Variants in CACHD1 observed in about 807,000 individuals in gnomAD.
CACHD1 encodes cache domain containing 1.
In CACHD1, 71 loss-of-function variants were observed where a neutral mutation model predicts 138.7. That is an observed-to-expected ratio of 0.51 (90% CI 0.42 to 0.62). The LOEUF (loss-of-function observed/expected upper bound fraction) is 0.62, where lower values mean the gene tolerates loss of function less well. Ranked by LOEUF, CACHD1 falls within the 20% of genes least tolerant of loss-of-function variation. CACHD1 has a pLI of 0.00. For synonymous variants in CACHD1, 578 were observed against 591.5 expected, an observed-to-expected ratio of 0.98 and a Z score of 0.33; for missense variants, 1,389 against 1,625.3, an observed-to-expected ratio of 0.85 and a Z score of 2.50.
At position 64,559,455 on chromosome 1, in the gene CACHD1, A is replaced by G. The variant is rs150437683; in HGVS notation, c.261+8799A>G. Among the ~76,000 whole-genome samples the G allele has an allele frequency of 3.9e-5, 6 of 152,336 alleles. No homozygotes were observed. In the East Asian group the frequency reaches 9.6e-4, roughly 24 times the overall value. ...AGTGGGAGCTAAATGATGAGAACTC[A>G]TGAACACAAAGAAGGAAACAACAGA... On this transcript the variant is annotated intron_variant, in intron 2 of 26. Transcript: ENST00000651257.
At chr1:64,691,265 A>G (rs1570490384) in intron 26 of CACHD1, 58 bp from the exon 27 acceptor site, 2 of 1,516,730 alleles carry the variant, frequency 1.3e-6, no homozygotes, top group East Asian at 4.5e-5. Flanking sequence ...TTGTAGGTGA[A>G]ATCTTCTGTC....
In CACHD1 at chr1:64,678,180, T is replaced by C. The variant is rs763469434; in HGVS notation, c.3114T>C (p.Asp1038=). The stretch of plus-strand genomic sequence containing the variant: ...GCAGGGACTGTTTTGGGGTGCTGGA[T>C]TGTGAATGGTGCATGGTGGACAGTG... ...LESGDCFGVL[D]CEWCMVDSDG... The change falls in exon 23 of 27, where the codon GAT becomes GAC. Residue 1038 remains aspartate, a synonymous_variant. Coordinates refer to ENST00000651257, the MANE Select transcript of CACHD1 (RefSeq NM_020925.4). The C allele has an allele frequency of 3.2e-5, 51 of 1,611,730 alleles. No homozygotes were observed. Among genetic ancestry groups the C allele is most frequent in the Non-Finnish European group, 4.2e-5 (49 of 1,179,184 alleles).
rs182005505 is a variant in CACHD1 at position 64,472,649 on chromosome 1, T to C, written c.198+1707T>C. Among the ~76,000 whole-genome samples, 3 of 152,342 alleles carry C rather than the reference T, an allele frequency of 2.0e-5. No homozygotes were observed. The East Asian group carries it at 5.8e-4, about 29-fold the overall frequency. On this transcript the variant is annotated intron_variant, in intron 1 of 26. Coordinates refer to ENST00000651257, the MANE Select transcript of CACHD1 (RefSeq NM_020925.4). ...GCTGAGTTCTTAGGAGTGAAGTGAC[T>C]TTTAGAAAAGATAGAAAACTAGGAT...
intron 1 of CACHD1, among the ~76,000 whole-genome samples, chr1:64,508,996 G>T (rs1646398554): frequency 6.6e-6 from 1 of 152,092 alleles, no homozygotes; most frequent in South Asian, 2.1e-4. Context: ...TGCCCAGATG[G>T]CAAGCACAAA....
intron 1 of CACHD1, among the ~76,000 whole-genome samples, chr1:64,496,353 G>C (rs1195220913): frequency 6.6e-6 from 1 of 152,150 alleles, no homozygotes; most frequent in Non-Finnish European, 1.5e-5. Flanking sequence ...AGATGTGCTG[G>C]AGTGTCAAGA....
intron 26 of CACHD1, among the ~76,000 whole-genome samples, chr1:64,682,648 TG>T (rs1422186336): frequency 3.3e-5 from 5 of 152,170 alleles, no homozygotes; most frequent in Non-Finnish European, 7.4e-5. Flanking sequence ...CATGGAGTTG[TG>T]TAAGTGCCTG....
chr1:64,500,289 T>C (rs890547745), intron 1 of CACHD1, among the ~76,000 whole-genome samples: 2 of 152,200 alleles, frequency 1.3e-5, no homozygotes, highest in Non-Finnish European at 2.9e-5. Context: ...AGCATACACA[T>C]ACCTGTTTCA....
At chr1:64,578,444 C>A (rs997826379) in intron 2 of CACHD1, among the ~76,000 whole-genome samples, 1 of 152,168 alleles carries the variant, frequency 6.6e-6, no homozygotes, top group African/African-American at 2.4e-5. Flanking sequence ...ATATGTATAT[C>A]CTAGGATGGA....
chr1:64,494,391 G>T (rs1570303607), intron 1 of CACHD1, among the ~76,000 whole-genome samples: 1 of 152,254 alleles, frequency 6.6e-6, no homozygotes, highest in South Asian at 2.1e-4. Context: ...CTCTGCATTG[G>T]TAAATGTGGA....
At chr1:64,490,001 G>T (rs1448618788) in intron 1 of CACHD1, among the ~76,000 whole-genome samples, 1 of 152,204 alleles carries the variant, frequency 6.6e-6, no homozygotes, top group East Asian at 1.9e-4. Flanking sequence ...CAAGCTGGAT[G>T]ACAGAATGTC....
At chr1:64,471,734 A>T (rs1024077978) in intron 1 of CACHD1, among the ~76,000 whole-genome samples, 1 of 152,180 alleles carries the variant, frequency 6.6e-6, no homozygotes, top group Non-Finnish European at 1.5e-5. Flanking sequence ...CAAAGTGAAT[A>T]AGGTTCCCAT....
intron 13 of CACHD1, among the ~76,000 whole-genome samples, chr1:64,660,691 C>T (rs928631348): frequency 2.0e-5 from 3 of 151,880 alleles, no homozygotes; most frequent in Non-Finnish European, 2.9e-5. Context: ...CCACCACGCC[C>T]GGCTAATTTT....
At chr1:64,594,284 G>A (rs1223100391) in intron 3 of CACHD1, among the ~76,000 whole-genome samples, 1 of 151,384 alleles carries the variant, frequency 6.6e-6, no homozygotes, top group Non-Finnish European at 1.5e-5. Context: ...GAAAGGTTAT[G>A]GCAGGACTTA....
intron 3 of CACHD1, among the ~76,000 whole-genome samples, chr1:64,596,769 A>T (rs1207651770): frequency 2.0e-5 from 3 of 152,204 alleles, no homozygotes; most frequent in Admixed American, 2.0e-4. Context: ...CAAGCAAACA[A>T]GTAAAGAATA....
chr1:64,506,556 T>C (rs890792156), intron 1 of CACHD1: 1 of 152,252 alleles, frequency 6.6e-6, no homozygotes, highest in African/African-American at 2.4e-5. Context: ...CAGAGCCACA[T>C]GCTCATGACA....
intron 1 of CACHD1, among the ~76,000 whole-genome samples, chr1:64,516,955 CT>C (rs1646463663): frequency 6.6e-6 from 1 of 152,204 alleles, no homozygotes; most frequent in African/African-American, 2.4e-5. Context: ...TTCATTCTGA[CT>C]TCTCCACTTA....
At position 64,545,085 on chromosome 1, in the gene CACHD1, C is replaced by A. The variant is rs1221490476; in HGVS notation, c.199-5509C>A. On this transcript the variant is annotated intron_variant, in intron 1 of 26. Transcript: ENST00000651257. ...ATTTTTCTTTGAGTTTTTATAATAG[C>A]CCAGTTACTAGAGTCTTGCCCTTCC... Among the ~76,000 whole-genome samples the A allele has an allele frequency of 2.6e-5, 4 of 152,224 alleles. No homozygotes were observed. In the East Asian group the frequency reaches 7.7e-4, roughly 29 times the overall value.
chr1:64,581,802 C>T (rs568420292), intron 2 of CACHD1, among the ~76,000 whole-genome samples: 1 of 152,300 alleles, frequency 6.6e-6, no homozygotes, highest in South Asian at 2.1e-4. Flanking sequence ...CAGTCATTGT[C>T]GTTGCTCTGT....
chr1:64,584,760 G>A (rs1044222977), intron 3 of CACHD1, among the ~76,000 whole-genome samples: 1 of 152,054 alleles, frequency 6.6e-6, no homozygotes, highest in African/African-American at 2.4e-5. Context: ...TATACTATTT[G>A]TTGGAATCTG....
Sources: allele counts gnomAD v4.1 joint callset (sites outside exome capture counted in the v4.1 genomes callset), GRCh38; gene constraint gnomAD v4.1.1; transcripts MANE v1.5; gene names NCBI Gene and HGNC (gene_info 2026-07-23, HGNC 2026-07-21).